Variants in CCDC192 observed in about 807,000 individuals in gnomAD.
The protein encoded by CCDC192 is coiled-coil domain-containing protein 192.
intron 2 of CCDC192, among the ~76,000 whole-genome samples, chr5:127,725,286 G>T (rs1752257502): frequency 6.6e-6 from 1 of 152,110 alleles, no homozygotes; most frequent in African/African-American, 2.4e-5. Flanking sequence ...GTTAAAGTTT[G>T]TAGGAAATCA....
At chr5:127,896,438 T>C (rs79218145) in intron 6 of CCDC192, among the ~76,000 whole-genome samples, 41,571 of 151,422 alleles carry the variant, frequency 0.27, 5,930 homozygotes, top group African/African-American at 0.34. Context: ...CTTCTTCTTT[T>C]TTTTTTTTTC....
chr5:127,710,075 A>G (rs939974806), intron 2 of CCDC192, among the ~76,000 whole-genome samples: 5 of 152,070 alleles, frequency 3.3e-5, no homozygotes, highest in African/African-American at 4.8e-5. Context: ...CCAATTTACA[A>G]TGGGTAAGCT....
At chr5:127,909,356 C>T (rs1482956788) in intron 6 of CCDC192, among the ~76,000 whole-genome samples, 1 of 152,040 alleles carries the variant, frequency 6.6e-6, no homozygotes. Context: ...AGTTTAAGTT[C>T]ACTTCTTCCC....
At chr5:127,813,097 G>C (rs983568836) in intron 5 of CCDC192, among the ~76,000 whole-genome samples, 3 of 152,190 alleles carry the variant, frequency 2.0e-5, no homozygotes, top group African/African-American at 7.2e-5. Context: ...TGTCCCTTTA[G>C]AGTGGGAGCC....
chr5:127,752,492 T>C (rs1425002915), intron 2 of CCDC192, among the ~76,000 whole-genome samples: 1 of 152,240 alleles, frequency 6.6e-6, no homozygotes, highest in Non-Finnish European at 1.5e-5. Context: ...AGCTGTGTAC[T>C]GGAAGAACCA....
chr5:127,935,881 G>A (rs1754172803), intron 6 of CCDC192, among the ~76,000 whole-genome samples: 1 of 152,134 alleles, frequency 6.6e-6, no homozygotes, highest in African/African-American at 2.4e-5. Flanking sequence ...GAGGCAGGTG[G>A]ATCACCTGAG....
intron 6 of CCDC192, among the ~76,000 whole-genome samples, chr5:127,913,651 G>T (rs974971060): frequency 6.6e-6 from 1 of 152,234 alleles, no homozygotes; most frequent in Non-Finnish European, 1.5e-5. Context: ...AGAGGAAAGA[G>T]CCTTAGAAGA....
chr5:127,784,248 G>A (rs77436765), intron 3 of CCDC192, among the ~76,000 whole-genome samples: 2,537 of 152,244 alleles, frequency 0.017, 33 homozygotes, highest in African/African-American at 0.039. Flanking sequence ...TTACACATGG[G>A]TCCATTCAGA....
chr5:127,851,439 G>GT (rs1222403499), intron 5 of CCDC192, among the ~76,000 whole-genome samples: 2 of 151,758 alleles, frequency 1.3e-5, no homozygotes, highest in African/African-American at 2.4e-5. Context: ...TGTCTTTCTT[G>GT]TTTTTTTGGT....
chr5:127,813,670 T>C (rs1483510734), intron 5 of CCDC192, among the ~76,000 whole-genome samples: 1 of 152,172 alleles, frequency 6.6e-6, no homozygotes, highest in Admixed American at 6.5e-5. Flanking sequence ...GTAACAATAC[T>C]CAGTGACCAT....
intron 2 of CCDC192, among the ~76,000 whole-genome samples, chr5:127,734,389 G>A (rs1426460088): frequency 2.6e-5 from 4 of 151,956 alleles, no homozygotes; most frequent in Non-Finnish European, 5.9e-5. Context: ...ATAAACATAC[G>A]TGTGCATGTG....
intron 5 of CCDC192, among the ~76,000 whole-genome samples, chr5:127,837,631 A>T (rs1750083462): frequency 6.6e-6 from 1 of 152,220 alleles, no homozygotes; most frequent in Non-Finnish European, 1.5e-5. Context: ...GCCAAGAGCC[A>T]CCTGGAAATT....
chr5:127,822,812 C>T (rs760347410), intron 5 of CCDC192, among the ~76,000 whole-genome samples: 10 of 152,134 alleles, frequency 6.6e-5, no homozygotes, highest in East Asian at 3.9e-4. Flanking sequence ...GGCCCTCAAG[C>T]GTGAAGTGCT....
At chr5:127,737,478 G>A (rs1753090433) in intron 2 of CCDC192, among the ~76,000 whole-genome samples, 2 of 151,320 alleles carry the variant, frequency 1.3e-5, no homozygotes, top group Admixed American at 1.3e-4. Context: ...CAATTCCTGG[G>A]TATCCTTGTT....
At chr5:127,764,579 T>C (rs1004809372) in intron 3 of CCDC192, among the ~76,000 whole-genome samples, 1 of 152,220 alleles carries the variant, frequency 6.6e-6, no homozygotes, top group African/African-American at 2.4e-5. Context: ...TTTAATCTCC[T>C]TTTTTAGATC....
At chr5:127,713,734 T>A (rs756932649) in intron 2 of CCDC192, among the ~76,000 whole-genome samples, 6 of 152,236 alleles carry the variant, frequency 3.9e-5, no homozygotes, top group Admixed American at 2.6e-4. Context: ...TGACACATAA[T>A]AATTGTACAT....
intron 3 of CCDC192, among the ~76,000 whole-genome samples, chr5:127,782,661 T>G (rs944827824): frequency 6.6e-6 from 1 of 152,312 alleles, no homozygotes; most frequent in African/African-American, 2.4e-5. Flanking sequence ...AGCTGTAATA[T>G]CTCCCATTTC....
chr5:127,840,048 A>C (rs1333254680), intron 5 of CCDC192, among the ~76,000 whole-genome samples: 2 of 152,186 alleles, frequency 1.3e-5, no homozygotes, highest in African/African-American at 4.8e-5. Context: ...TTGCAGACTC[A>C]CTTAGGATGG....
intron 2 of CCDC192, among the ~76,000 whole-genome samples, chr5:127,720,173 G>A (rs947893308): frequency 1.3e-5 from 2 of 152,186 alleles, no homozygotes; most frequent in African/African-American, 4.8e-5. Flanking sequence ...TTCTGCCTAT[G>A]AGTATGTAAA....
Sources: gnomAD v4.1 joint callset for allele counts (sites outside exome capture counted in the v4.1 genomes callset) on GRCh38, gnomAD v4.1.1 for gene constraint, MANE v1.5 for transcripts, NCBI Gene and HGNC (gene_info 2026-07-23, HGNC 2026-07-21) for gene names.